Variants in HSPA12A observed in about 807,000 individuals in gnomAD.
HSPA12A encodes heat shock protein family A (Hsp70) member 12A, also known as heat shock 70 kDa protein 12A.
Under a neutral mutation model 69.2 loss-of-function variants are expected in HSPA12A, and 28 were observed. The ratio of observed to expected loss-of-function variants is 0.40; its 90% CI spans 0.30 to 0.55. The LOEUF is 0.55. Ranked by LOEUF, HSPA12A falls within the 20% of genes least tolerant of loss-of-function variation. HSPA12A has a pLI of 0.38. For synonymous variants in HSPA12A, 345 were observed against 370.5 expected, an observed-to-expected ratio of 0.93 and a Z score of 0.79; for missense variants, 686 against 900.7, an observed-to-expected ratio of 0.76 and a Z score of 3.05.
At chr10:116,690,521 C>T (rs782810056) in intron 6 of HSPA12A, among the ~76,000 whole-genome samples, 2 of 152,200 alleles carry the variant, frequency 1.3e-5, no homozygotes, top group Non-Finnish European at 2.9e-5. Context: ...GCTGCAAAAA[C>T]ACTGTACCAA....
intron 1 of HSPA12A, among the ~76,000 whole-genome samples, chr10:116,716,265 G>T (rs577101708): frequency 3.3e-4 from 51 of 152,262 alleles, no homozygotes; most frequent in Admixed American, 9.2e-4. Flanking sequence ...TGCCCATTTT[G>T]CTTTGTCCTT....
At position 116,707,112 on chromosome 10, in the gene HSPA12A, A is replaced by G. The variant is rs547214697; in HGVS notation, c.126+88T>C. The G allele has an allele frequency of 3.8e-6, 4 of 1,061,784 alleles. No homozygotes were observed. In the African/African-American group the frequency reaches 6.5e-5, roughly 17 times the overall value. 65.8% of individuals were successfully genotyped at this position (1,061,784 alleles called of 1,614,324 possible). On this transcript the variant is annotated intron_variant, in intron 2 of 11. Transcript: ENST00000369209. The stretch of plus-strand genomic sequence containing the variant: ...CTGTGAGATCAGACCCAGAATGCAA[A>G]GGAAGTCAGTACGCACGTGTGCTCA...
chr10:116,725,952 T>C (rs906100159), intron 1 of HSPA12A, among the ~76,000 whole-genome samples: 2 of 151,722 alleles, frequency 1.3e-5, no homozygotes, highest in African/African-American at 4.8e-5. Context: ...GTTTACAGAA[T>C]GCAACTCAGT....
chr10:116,701,404 G>T (rs1850073116), intron 3 of HSPA12A, among the ~76,000 whole-genome samples: 1 of 152,252 alleles, frequency 6.6e-6, no homozygotes, highest in South Asian at 2.1e-4. Context: ...ATGTTTGCCA[G>T]GTGCTGGCAT....
At chr10:116,846,273 C>T (rs956078284) in intron 1 of HSPA12A, among the ~76,000 whole-genome samples, 3 of 151,654 alleles carry the variant, frequency 2.0e-5, no homozygotes, top group African/African-American at 7.3e-5. Flanking sequence ...TTAAAGTCTT[C>T]ATCCTATTAT....
intron 2 of HSPA12A, among the ~76,000 whole-genome samples, chr10:116,789,741 G>A (rs1055173621): frequency 5.3e-5 from 8 of 152,156 alleles, no homozygotes; most frequent in African/African-American, 1.7e-4. Flanking sequence ...TGAAGCTGAC[G>A]TGACTGTTCA....
At chr10:116,681,411 G>A (rs1554878595) in intron 8 of HSPA12A, among the ~76,000 whole-genome samples, 155 bp from the exon 9 acceptor site, 2 of 152,226 alleles carry the variant, frequency 1.3e-5, no homozygotes, top group Admixed American at 6.5e-5. Context: ...AGTTAACCAT[G>A]ACCAAAGAGA....
chr10:116,779,850 C>T (rs1227921397), intron 2 of HSPA12A, among the ~76,000 whole-genome samples: 2 of 152,066 alleles, frequency 1.3e-5, no homozygotes, highest in Non-Finnish European at 2.9e-5. Context: ...GCTTGGAGCT[C>T]TGAGTGCACT....
intron 2 of HSPA12A, among the ~76,000 whole-genome samples, chr10:116,807,620 T>C (rs1484849431): frequency 6.6e-6 from 1 of 152,174 alleles, no homozygotes; most frequent in Non-Finnish European, 1.5e-5. Context: ...CAGCGGGTCG[T>C]CCCCATTTCT....
chr10:116,675,347 G>A lies in HSPA12A; in HGVS notation c.1462C>T (p.Pro488Ser), dbSNP rs1033829945. ...LFLVGGFAEAPLLQQAVQAAF... is the reference protein window; with the variant it reads ...LFLVGGFAEASLLQQAVQAAF... ...GCCTGCACCGCCTGCTGCAGCAGGG[G>A]CGCCTCGGCAAAGCCGCCCACCAGA... Residue 488 changes from proline (P) to serine (S), a missense_variant, in exon 12 of 12, where the codon CCC becomes TCC. Transcript: ENST00000369209. This position sits in a 1 kb window ranked among gnomAD's most constrained non-coding sequence, Gnocchi z 5.2. The A allele has an allele frequency of 6.8e-6, 11 of 1,612,438 alleles. No homozygotes were observed. The African/African-American group carries it at 1.3e-4, about 20-fold the overall frequency.
chr10:116,753,158 C>T (rs1843748716), intron 2 of HSPA12A, among the ~76,000 whole-genome samples: 1 of 152,234 alleles, frequency 6.6e-6, no homozygotes, highest in South Asian at 2.1e-4. Context: ...GTTTCACAGC[C>T]TGGCGCTGGC....
At chr10:116,789,901 C>T (rs1844664910) in intron 2 of HSPA12A, among the ~76,000 whole-genome samples, 1 of 151,916 alleles carries the variant, frequency 6.6e-6, no homozygotes, top group Non-Finnish European at 1.5e-5. Context: ...GTCTTGCTTC[C>T]ATTTATGGCT....
chr10:116,726,055 A>ACACACG lies in HSPA12A; in HGVS notation c.40+16374_40+16375insCGTGTG, dbSNP rs1554884972. On this transcript the variant is annotated intron_variant, in intron 1 of 11. Transcript: ENST00000369209. ...CACACACACACACACACACACACAC[A>ACACACG]ACAGGCCAAGCAGGACAAGGTGAAT... Among the ~76,000 whole-genome samples, 48 of 143,412 alleles carry ACACACG rather than the reference A, an allele frequency of 3.3e-4. 1 individual carries two copies. The highest frequency in any genetic ancestry group is 3.5e-3 in the Middle Eastern group (1 of 288). The allele number at this position is 143,412 out of a possible 152,430, so 94.1% of individuals were successfully genotyped here.
intron 1 of HSPA12A, among the ~76,000 whole-genome samples, chr10:116,740,789 C>T (rs998260195): frequency 2.0e-5 from 3 of 151,336 alleles, no homozygotes; most frequent in Admixed American, 6.6e-5. Flanking sequence ...CACATTCCTG[C>T]CCACTTCTGA....
intron 5 of HSPA12A, among the ~76,000 whole-genome samples, chr10:116,697,853 G>A (rs3010484): frequency 0.23 from 31,494 of 134,100 alleles, 3,314 homozygotes; most frequent in South Asian, 0.36. Context: ...CTGCAGCCCT[G>A]CGCAGAAAAA....
upstream of HSPA12A, among the ~76,000 whole-genome samples, chr10:116,747,387 C>T (rs1189438880): frequency 2.6e-5 from 4 of 152,224 alleles, no homozygotes; most frequent in African/African-American, 9.6e-5. Context: ...TGGTTAGTCT[C>T]GCAGCCACAT....
intron 2 of HSPA12A, among the ~76,000 whole-genome samples, chr10:116,748,210 C>T (rs1221522017): frequency 1.3e-5 from 2 of 152,278 alleles, no homozygotes; most frequent in Non-Finnish European, 2.9e-5. Context: ...TTGGTGATGA[C>T]TCACTGGGGC....
intron 2 of HSPA12A, among the ~76,000 whole-genome samples, chr10:116,809,353 C>T (rs1340581807): frequency 6.6e-6 from 1 of 152,186 alleles, no homozygotes; most frequent in Non-Finnish European, 1.5e-5. Context: ...CTCATGAAGG[C>T]AAAAGCTCCG....
At position 116,797,000 on chromosome 10, in the gene HSPA12A, C is replaced by T. The variant is rs542686339; in HGVS notation, c.91+37935G>A. Among the ~76,000 whole-genome samples, 4 of 152,308 alleles carry T rather than the reference C, an allele frequency of 2.6e-5. No individual in the cohort carries two copies. The South Asian group carries it at 6.2e-4, about 24-fold the overall frequency. On this transcript the variant is annotated intron_variant, in intron 2 of 12. Transcript: ENST00000635765. ...TTCCCTGCATGATTATTGCTGCCCC[C>T]GGGAACTCTTCTTGAGGTCCTCCAA... is the stretch of plus-strand genomic sequence containing the variant.
Sources: gnomAD v4.1 joint callset for allele counts (sites outside exome capture counted in the v4.1 genomes callset) on GRCh38, gnomAD v4.1.1 for gene constraint, Gnocchi (gnomAD v3.1) non-coding constraint, MANE v1.5 for transcripts, NCBI Gene and HGNC (gene_info 2026-07-23, HGNC 2026-07-21) for gene names.